CDH13: variants seen among roughly 807,000 people sequenced by gnomAD.
CDH13 encodes the protein cadherin-13.
In CDH13, 24 loss-of-function variants were observed where a neutral mutation model predicts 63.8. The ratio of observed to expected loss-of-function variants is 0.38; its 90% CI spans 0.27 to 0.53. CDH13 has a LOEUF of 0.53. Among genes scored for constraint, CDH13 ranks in the 20% least tolerant of loss-of-function variants. The pLI, the probability that CDH13 is intolerant of heterozygous loss-of-function variation, is 0.85. For missense variants in CDH13, 1,049 were observed against 903.1 expected, an observed-to-expected ratio of 1.16 and a Z score of -2.07; for synonymous variants, 503 against 355.3, an observed-to-expected ratio of 1.42 and a Z score of -4.67.
intron 2 of CDH13, among the ~76,000 whole-genome samples, chr16:82,867,975 A>C (rs1416779305): frequency 6.6e-6 from 1 of 152,346 alleles, no homozygotes; most frequent in African/African-American, 2.4e-5. Context: ...AAAAATAACA[A>C]TGATAATTCT....
intron 2 of CDH13, among the ~76,000 whole-genome samples, chr16:82,976,192 C>G (rs1336110733): frequency 6.6e-6 from 1 of 152,206 alleles, no homozygotes; most frequent in Non-Finnish European, 1.5e-5. Context: ...TAGACAGGAA[C>G]TCCAGAGTGG....
At chr16:83,204,373 G>T (rs1034251489) in intron 4 of CDH13, among the ~76,000 whole-genome samples, 1 of 152,208 alleles carries the variant, frequency 6.6e-6, no homozygotes, top group Non-Finnish European at 1.5e-5. Flanking sequence ...TGTTGTGCCT[G>T]TAAAATGCTA....
At chr16:83,334,555 T>C (rs983443950) in intron 5 of CDH13, among the ~76,000 whole-genome samples, 4 of 134,428 alleles carry the variant, frequency 3.0e-5, no homozygotes, top group East Asian at 4.4e-4. Flanking sequence ...AAAAAAAAAA[T>C]ACAGAGATGG....
chr16:83,709,887 C>T (rs1034933515), intron 10 of CDH13, among the ~76,000 whole-genome samples: 2 of 152,358 alleles, frequency 1.3e-5, no homozygotes, highest in East Asian at 3.9e-4. Flanking sequence ...ATTTCCACCT[C>T]TCTCTAGTCA....
chr16:83,614,855 C>G (rs1909154757), intron 8 of CDH13, among the ~76,000 whole-genome samples: 1 of 152,184 alleles, frequency 6.6e-6, no homozygotes, highest in African/African-American at 2.4e-5. Flanking sequence ...AGTACCCACT[C>G]CATCTCATAC....
intron 6 of CDH13, 114 bp downstream of exon 6, chr16:83,345,120 G>T (rs192876850): frequency 4.1e-5 from 51 of 1,237,148 alleles, no homozygotes; most frequent in Non-Finnish European, 5.6e-5. Flanking sequence ...TCGTATCAGC[G>T]TCGACTTAAT....
chr16:83,061,427 C>T (rs2031541103), intron 3 of CDH13, among the ~76,000 whole-genome samples: 1 of 152,142 alleles, frequency 6.6e-6, no homozygotes, highest in South Asian at 2.1e-4. Flanking sequence ...TCCTGGTGAC[C>T]TTCTCCCTGT....
intron 2 of CDH13, among the ~76,000 whole-genome samples, chr16:83,003,468 A>C (rs1245834146): frequency 1.3e-5 from 2 of 152,216 alleles, no homozygotes; most frequent in African/African-American, 4.8e-5. Context: ...AGGGAGAATA[A>C]ATAAATGTAT....
chr16:83,211,966 A>G (rs2039351888), intron 4 of CDH13, among the ~76,000 whole-genome samples: 2 of 152,188 alleles, frequency 1.3e-5, no homozygotes, highest in Admixed American at 1.3e-4. Context: ...AATAATAGGA[A>G]GTTCTCGCTA....
At chr16:82,850,535 A>G (rs1010176334) in intron 1 of CDH13, among the ~76,000 whole-genome samples, 5 of 152,360 alleles carry the variant, frequency 3.3e-5, no homozygotes, top group Non-Finnish European at 5.9e-5. Context: ...AGGATTTAGA[A>G]TCGTACCTAA....
chr16:83,549,920 T>C (rs971269439), intron 7 of CDH13, among the ~76,000 whole-genome samples: 3 of 152,162 alleles, frequency 2.0e-5, no homozygotes, highest in African/African-American at 7.2e-5. Context: ...AGGTTTTAAC[T>C]GTATGCATGC....
At chr16:83,180,815 G>C (rs2038321422) in intron 4 of CDH13, 2 of 1,221,976 alleles carry the variant, frequency 1.6e-6, no homozygotes, top group Non-Finnish European at 2.3e-6. Flanking sequence ...TCATTTGTTG[G>C]CTTGTTTATT....
chr16:82,699,479 C>G (rs924497416), intron 1 of CDH13, among the ~76,000 whole-genome samples: 1 of 152,196 alleles, frequency 6.6e-6, no homozygotes, highest in African/African-American at 2.4e-5. Context: ...CAGCCGATTC[C>G]CAGGTCCCAT....
intron 8 of CDH13, among the ~76,000 whole-genome samples, chr16:83,656,433 C>G (rs901647604): frequency 6.6e-6 from 1 of 152,116 alleles, no homozygotes; most frequent in South Asian, 2.1e-4. Context: ...TGACTTGGCA[C>G]TTACAATCCT....
intron 2 of CDH13, among the ~76,000 whole-genome samples, chr16:83,015,839 C>A (rs1319090471): frequency 6.6e-6 from 1 of 150,502 alleles, no homozygotes; most frequent in Non-Finnish European, 1.5e-5. Context: ...ACTTGAGATC[C>A]CATGTAAGAA....
At chr16:82,879,402 T>C (rs1241219308) in intron 2 of CDH13, among the ~76,000 whole-genome samples, 2 of 150,472 alleles carry the variant, frequency 1.3e-5, no homozygotes, top group African/African-American at 2.4e-5. Context: ...CTTTGAGCCT[T>C]GTGAGCAAAT....
intron 9 of CDH13, among the ~76,000 whole-genome samples, chr16:83,673,956 G>C (rs1282141620): frequency 1.3e-5 from 2 of 152,140 alleles, no homozygotes; most frequent in African/African-American, 4.8e-5. Context: ...CTTTGGAATT[G>C]GGATGCAGAC....
At chr16:82,751,832 G>A (rs1279343665) in intron 1 of CDH13, among the ~76,000 whole-genome samples, 1 of 152,168 alleles carries the variant, frequency 6.6e-6, no homozygotes, top group Non-Finnish European at 1.5e-5. Flanking sequence ...AGCACACAGT[G>A]TTGGTGAGCG....
chr16:82,890,199 C>G (rs2041030234), intron 2 of CDH13, among the ~76,000 whole-genome samples: 1 of 152,324 alleles, frequency 6.6e-6, no homozygotes, highest in African/African-American at 2.4e-5. Context: ...AGGGACCATA[C>G]TTAACATGGA....
Sources: gnomAD v4.1 joint callset for allele counts (sites outside exome capture counted in the v4.1 genomes callset) on GRCh38, gnomAD v4.1.1 for gene constraint, MANE v1.5 for transcripts, NCBI Gene and HGNC (gene_info 2026-07-23, HGNC 2026-07-21) for gene names.